Variants in ANKRD30A observed in about 807,000 individuals in gnomAD.
ANKRD30A encodes the protein ankyrin repeat domain 30A.
In ANKRD30A, 170 loss-of-function variants were observed where a neutral mutation model predicts 166.3. The observed-to-expected ratio is 1.02, with a 90% CI of 0.90 to 1.16. The LOEUF (loss-of-function observed/expected upper bound fraction) is 1.16, where lower values mean the gene tolerates loss of function less well. ANKRD30A is among the 50% of genes most tolerant of loss of function. ANKRD30A has a pLI of 0.00. For synonymous variants in ANKRD30A, 564 were observed against 508.9 expected (o/e 1.11, Z -1.46); for missense variants, 1,630 against 1,518.0 (o/e 1.07, Z -1.23).
chr10:37,235,287 T>A (rs1843623337), downstream of ANKRD30A, among the ~76,000 whole-genome samples: 4 of 152,284 alleles, frequency 2.6e-5, no homozygotes, highest in South Asian at 6.2e-4. Context: ...CTATGCTTAA[T>A]CTATCAGCTC....
At chr10:37,256,330 C>G in the ANKRD30A span, among the ~76,000 whole-genome samples, 1 of 152,336 alleles carries the variant, frequency 6.6e-6, no homozygotes, top group Non-Finnish European at 1.5e-5. Flanking sequence ...AATCATGGAT[C>G]ACTGCAGCCT....
chr10:37,225,010 C>A (rs1184037404), intron 34 of ANKRD30A, among the ~76,000 whole-genome samples: 1 of 151,424 alleles, frequency 6.6e-6, no homozygotes, highest in Non-Finnish European at 1.5e-5. Flanking sequence ...TGATGCTGAT[C>A]TCTGAGTAAA....
intron 17 of ANKRD30A, 114 bp from the exon 18 acceptor site, chr10:37,164,980 T>C (rs557806238): frequency 4.8e-5 from 54 of 1,119,060 alleles, no homozygotes; most frequent in Middle Eastern, 2.1e-4. Context: ...AAAGAACATA[T>C]GGGCCACAGA....
the ANKRD30A span, among the ~76,000 whole-genome samples, chr10:37,239,170 A>C: frequency 1.3e-5 from 2 of 152,142 alleles, no homozygotes; most frequent in African/African-American, 4.8e-5. Flanking sequence ...TTAAGTAGAA[A>C]ACTATAATTA....
chr10:37,245,437 G>A, the ANKRD30A span, among the ~76,000 whole-genome samples: 2 of 151,434 alleles, frequency 1.3e-5, no homozygotes, highest in East Asian at 3.9e-4. Flanking sequence ...TTTTTCTACT[G>A]CAAGAATAAT....
At chr10:37,224,653 A>G (rs1347578019) in intron 34 of ANKRD30A, among the ~76,000 whole-genome samples, 4 of 151,360 alleles carry the variant, frequency 2.6e-5, no homozygotes, top group Admixed American at 1.3e-4. Flanking sequence ...GAGAACTTTA[A>G]TTTGTTCTCT....
rs1473010067 is a variant in ANKRD30A at position 37,150,974 on chromosome 10, G to A, written c.1646-1086G>A. 3.4e-5 allele frequency among the ~76,000 whole-genome samples: 5 copies of A among 149,196 alleles called. No homozygotes were observed. In the South Asian group the frequency reaches 8.4e-4, roughly 25 times the overall value. On this transcript the variant is annotated intron_variant, in intron 11 of 35. Coordinates refer to ENST00000361713, the MANE Select transcript of ANKRD30A (RefSeq NM_052997.3). ...AGATCTCTGAAACGATCCAGGGTACGCTTCTAAAAATGAGTGAACATGGTG... is the reference window on the plus strand; with the variant it reads ...AGATCTCTGAAACGATCCAGGGTACACTTCTAAAAATGAGTGAACATGGTG...
chr10:37,261,984 C>T, the ANKRD30A span: 1 of 153,030 alleles, frequency 6.5e-6, no homozygotes, highest in Admixed American at 6.5e-5. Flanking sequence ...GCTTGTACTT[C>T]TCTAAACCCT....
At chr10:37,196,091 CT>C (rs1564549794) in intron 27 of ANKRD30A, among the ~76,000 whole-genome samples, 6 of 115,624 alleles carry the variant, frequency 5.2e-5, no homozygotes, top group African/African-American at 1.8e-4. Flanking sequence ...TTTATATTTT[CT>C]ATTTTTTTTT....
chr10:37,249,014 C>T, the ANKRD30A span, among the ~76,000 whole-genome samples: 1 of 152,166 alleles, frequency 6.6e-6, no homozygotes, highest in Non-Finnish European at 1.5e-5. Context: ...TTGCCCAGAT[C>T]AGTTCCAGTG....
At chr10:37,215,931 T>A (rs2132732118) in intron 31 of ANKRD30A, among the ~76,000 whole-genome samples, 1 of 151,508 alleles carries the variant, frequency 6.6e-6, no homozygotes, top group South Asian at 2.1e-4. Context: ...TAGCAATCTG[T>A]TTTCTTACAG....
At chr10:37,172,542 T>G (rs1588860924) in intron 21 of ANKRD30A, among the ~76,000 whole-genome samples, 1 of 140,402 alleles carries the variant, frequency 7.1e-6, no homozygotes, top group Admixed American at 7.0e-5. Flanking sequence ...TTTTTTAATT[T>G]CTTTTTTTTT....
chr10:37,196,898 A>T (rs1841175527), intron 27 of ANKRD30A, among the ~76,000 whole-genome samples: 1 of 152,196 alleles, frequency 6.6e-6, no homozygotes, highest in Non-Finnish European at 1.5e-5. Context: ...ATAACCATGT[A>T]CCTTTCCGAA....
At chr10:37,209,998 T>C (rs554603240) in intron 31 of ANKRD30A, among the ~76,000 whole-genome samples, 3 of 152,258 alleles carry the variant, frequency 2.0e-5, no homozygotes, top group African/African-American at 7.2e-5. Context: ...AGTTCTAGGT[T>C]ACATGTGCAG....
At chr10:37,144,572 A>G (rs913829864) in intron 7 of ANKRD30A, among the ~76,000 whole-genome samples, 9 of 152,192 alleles carry the variant, frequency 5.9e-5, no homozygotes, top group African/African-American at 2.2e-4. Context: ...TTATTGATAA[A>G]TAATCTTTTT....
chr10:37,194,132 G>T (rs1840847673), intron 27 of ANKRD30A, among the ~76,000 whole-genome samples: 1 of 152,052 alleles, frequency 6.6e-6, no homozygotes, highest in Admixed American at 6.6e-5. Context: ...GGAGGCAGAA[G>T]TTGCATGAGC....
At chr10:37,160,895 C>T (rs1252120944) in intron 15 of ANKRD30A, among the ~76,000 whole-genome samples, 1 of 152,018 alleles carries the variant, frequency 6.6e-6, no homozygotes, top group Non-Finnish European at 1.5e-5. Flanking sequence ...TTAAAGTATA[C>T]CTAATATAAT....
At chr10:37,196,099 T>TTTA (rs1841076698) in intron 27 of ANKRD30A, among the ~76,000 whole-genome samples, 1 of 148,298 alleles carries the variant, frequency 6.7e-6, no homozygotes, top group Non-Finnish European at 1.5e-5. Context: ...TTCTATTTTT[T>TTTA]TTTTTTTTTT....
intron 19 of ANKRD30A, among the ~76,000 whole-genome samples, chr10:37,166,978 G>A (rs1205624440): frequency 3.3e-5 from 5 of 152,004 alleles, no homozygotes; most frequent in African/African-American, 7.2e-5. Context: ...AGTAAATGAA[G>A]ACTGAGAAAG....
Sources: allele counts gnomAD v4.1 joint callset (sites outside exome capture counted in the v4.1 genomes callset), GRCh38; gene constraint gnomAD v4.1.1; transcripts MANE v1.5; gene names NCBI Gene and HGNC (gene_info 2026-07-23, HGNC 2026-07-21).